Variants in ATG7 observed in about 807,000 individuals in gnomAD.
ATG7 encodes the protein autophagy related 7.
Under a neutral mutation model 82.4 loss-of-function variants are expected in ATG7, and 70 were observed. The observed-to-expected ratio is 0.85, with a 90% CI of 0.70 to 1.04. The LOEUF is 1.04. Ranked by LOEUF, ATG7 falls within the 50% of genes least tolerant of loss-of-function variation. The pLI is 0.00. For missense variants in ATG7, 792 were observed against 864.3 expected (o/e 0.92, Z 1.05); for synonymous variants, 287 against 313.0 (o/e 0.92, Z 0.88).
chr3:11,293,390 G>T (rs1945278220), intron 3 of ATG7, among the ~76,000 whole-genome samples: 1 of 151,838 alleles, frequency 6.6e-6, no homozygotes, highest in Non-Finnish European at 1.5e-5. Context: ...AATTAGCCGG[G>T]TGCGGTGGTG....
rs2078963282 is a variant in ATG7 at position 11,393,277 on chromosome 3, A to G, written c.1956+13225A>G. Among the ~76,000 whole-genome samples the G allele has an allele frequency of 2.0e-5, 3 of 152,048 alleles. No homozygotes were observed. The South Asian group carries it at 6.2e-4, about 32-fold the overall frequency. On this transcript the variant is annotated intron_variant, in intron 19 of 20. Transcript: ENST00000693202. ...AAAAATTATTTCTACCATCCTTTAT[A>G]CTTGTGAGGAAATCCTCTAGTATAG...
At chr3:11,362,785 G>A (rs2076363511) in intron 16 of ATG7, 28 bp from the exon 17 acceptor site, 1 of 1,597,870 alleles carries the variant, frequency 6.3e-7, no homozygotes, top group Non-Finnish European at 8.6e-7. Context: ...AGAACGTTCT[G>A]CACACACCAA....
At chr3:11,446,486 T>A (rs988233690) in intron 20 of ATG7, 4 of 443,026 alleles carry the variant, frequency 9.0e-6, no homozygotes, top group Non-Finnish European at 4.5e-6. Context: ...CAAAATACTT[T>A]ATTGTATCTG....
chr3:11,427,668 A>T (rs2082486714), intron 20 of ATG7, among the ~76,000 whole-genome samples: 1 of 152,022 alleles, frequency 6.6e-6, no homozygotes, highest in Non-Finnish European at 1.5e-5. Context: ...TAAAAAAATT[A>T]GGTGGGCATG....
At chr3:11,485,555 ATTTGTCTAT>A (rs943978220) in intron 20 of ATG7, among the ~76,000 whole-genome samples, 10 of 151,938 alleles carry the variant, frequency 6.6e-5, no homozygotes, top group Non-Finnish European at 1.3e-4. Context: ...ATTAGATCCC[ATTTGTCTAT>A]TTTGGCTTTT....
At chr3:11,361,316 G>A (rs939648002) in intron 16 of ATG7, among the ~76,000 whole-genome samples, 22 of 144,974 alleles carry the variant, frequency 1.5e-4, no homozygotes, top group African/African-American at 4.4e-4. Context: ...ACAGAGTTTC[G>A]CCCTGTCACC....
chr3:11,453,985 C>T (rs547835463), intron 20 of ATG7, among the ~76,000 whole-genome samples: 3 of 152,138 alleles, frequency 2.0e-5, no homozygotes, highest in Non-Finnish European at 4.4e-5. Flanking sequence ...GAGGAAATTC[C>T]GTGTAAATAA....
chr3:11,567,188 C>T, the ATG7 span, among the ~76,000 whole-genome samples: 5 of 152,218 alleles, frequency 3.3e-5, no homozygotes, highest in African/African-American at 1.2e-4. Flanking sequence ...CTCGGCGTCC[C>T]CATGTAACCA....
At chr3:11,560,665 C>T (rs1325777555), downstream of ATG7, among the ~76,000 whole-genome samples, 1 of 152,166 alleles carries the variant, frequency 6.6e-6, no homozygotes, top group African/African-American at 2.4e-5. Flanking sequence ...TTGGGTCTAA[C>T]AAGAAGCGAC....
intron 20 of ATG7, among the ~76,000 whole-genome samples, chr3:11,512,594 G>C (rs374591354): frequency 2.0e-5 from 3 of 152,214 alleles, no homozygotes; most frequent in African/African-American, 7.2e-5. Context: ...AAAGCGGCAC[G>C]TCTGGAGTTA....
rs747979788 is a variant in ATG7, at chr3:11,362,786, C to T, written c.1684-27C>T. 3.8e-6 allele frequency: 6 copies of T among 1,599,172 alleles called. No individual in the cohort carries two copies. In the Admixed American group the frequency reaches 6.7e-5, roughly 18 times the overall value. On this transcript the variant is annotated intron_variant, in intron 16 of 20. Coordinates refer to ENST00000693202, the MANE Select transcript of ATG7 (RefSeq NM_001349232.2). ...GAGTTGAATGGAGTAGAACGTTCTG[C>T]ACACACCAATGATTGTTTCTTTGCA...
chr3:11,483,777 C>CA (rs1377327806), intron 20 of ATG7, among the ~76,000 whole-genome samples: 1 of 152,144 alleles, frequency 6.6e-6, no homozygotes, highest in Non-Finnish European at 1.5e-5. Context: ...GTTTTGTACA[C>CA]AATGACCCTG....
chr3:11,299,808 A>G (rs1946498838), intron 5 of ATG7, among the ~76,000 whole-genome samples: 1 of 152,214 alleles, frequency 6.6e-6, no homozygotes. Flanking sequence ...CTACTTCTGT[A>G]TACAAGCCAC....
chr3:11,280,283 T>C (rs1575120078), intron 1 of ATG7, among the ~76,000 whole-genome samples: 1 of 152,154 alleles, frequency 6.6e-6, no homozygotes, highest in African/African-American at 2.4e-5. Context: ...AACAATATGA[T>C]ATTAGTCCTG....
chr3:11,362,976 C>A, intron 17 of ATG7, 48 bp downstream of exon 17: 1 of 1,524,078 alleles, frequency 6.6e-7, no homozygotes, highest in Non-Finnish European at 9.0e-7. Context: ...CTTTTGTAGG[C>A]AGTTGTTCAT....
intron 20 of ATG7, among the ~76,000 whole-genome samples, chr3:11,518,464 T>C (rs1337595747): frequency 1.3e-5 from 2 of 152,030 alleles, no homozygotes; most frequent in Non-Finnish European, 2.9e-5. Flanking sequence ...GGAGAATCTC[T>C]TGAACCCAGA....
At chr3:11,512,066 G>A (rs955819964) in intron 20 of ATG7, among the ~76,000 whole-genome samples, 3 of 152,200 alleles carry the variant, frequency 2.0e-5, no homozygotes, top group African/African-American at 7.2e-5. Flanking sequence ...GGGGCTGAAG[G>A]GCTCCTCAAA....
downstream of ATG7, chr3:11,558,492 T>C (rs955509020): frequency 1.9e-5 from 27 of 1,414,570 alleles, no homozygotes; most frequent in Non-Finnish European, 2.5e-5. Flanking sequence ...TTTTTTTAAG[T>C]ACTGACTGTT....
chr3:11,436,009 T>G lies in ATG7; in HGVS notation c.2079+9083T>G, dbSNP rs55990857. Among the ~76,000 whole-genome samples, 520 of 151,788 alleles carry G rather than the reference T, an allele frequency of 3.4e-3. 2 individuals are homozygous for G. Among genetic ancestry groups the G allele is most frequent in the Non-Finnish European group, 5.4e-3 (366 of 67,924 alleles). On this transcript the variant is annotated intron_variant, in intron 20 of 20. Transcript: ENST00000693202. ...CAGCTGCTTGGGAGGCTGGGGTGAG[T>G]GTATCGTTTGAGCCCAGGAGCTGGA... is the stretch of plus-strand genomic sequence containing the variant.
Sources: gnomAD v4.1 joint callset for allele counts (sites outside exome capture counted in the v4.1 genomes callset) on GRCh38, gnomAD v4.1.1 for gene constraint, MANE v1.5 for transcripts, NCBI Gene and HGNC (gene_info 2026-07-23, HGNC 2026-07-21) for gene names.